Variants in PDSS2 observed in about 807,000 individuals in gnomAD.
PDSS2 encodes all trans-polyprenyl-diphosphate synthase PDSS2.
Under a neutral mutation model 44.5 loss-of-function variants are expected in PDSS2, and 31 were observed. That is an observed-to-expected ratio of 0.70 (90% confidence interval 0.52 to 0.94). The LOEUF (loss-of-function observed/expected upper bound fraction) is 0.94, where lower values mean the gene tolerates loss of function less well. Among genes scored for constraint, PDSS2 ranks in the 40% least tolerant of loss-of-function variants. The probability of loss-of-function intolerance (pLI) is 0.00; values close to 1 mark genes in which losing one functional copy is unlikely to be tolerated. For synonymous variants in PDSS2, 157 were observed against 180.3 expected (o/e 0.87, Z 1.03); for missense variants, 452 against 482.2 (o/e 0.94, Z 0.59).
At chr6:107,320,079 C>A (rs149969004) in intron 2 of PDSS2, among the ~76,000 whole-genome samples, 3 of 152,158 alleles carry the variant, frequency 2.0e-5, no homozygotes, top group Admixed American at 2.0e-4. Context: ...GGAACACAGT[C>A]GTTTGCATGG....
chr6:107,215,212 G>A (rs1773370966), intron 4 of PDSS2, among the ~76,000 whole-genome samples: 1 of 151,916 alleles, frequency 6.6e-6, no homozygotes, highest in Non-Finnish European at 1.5e-5. Flanking sequence ...TCCTATTCTT[G>A]ATGAGAAAAA....
At chr6:107,160,508 C>T (rs1172769746) in intron 7 of PDSS2, among the ~76,000 whole-genome samples, 5 of 143,662 alleles carry the variant, frequency 3.5e-5, no homozygotes, top group Admixed American at 2.1e-4. Flanking sequence ...CCACCACACC[C>T]AGCTAATTTA....
chr6:107,432,359 T>A (rs1444520545), intron 1 of PDSS2, among the ~76,000 whole-genome samples: 2 of 152,240 alleles, frequency 1.3e-5, no homozygotes, highest in Non-Finnish European at 2.9e-5. Flanking sequence ...ATTTTTCATT[T>A]TATTTTTAGT....
chr6:107,162,610 A>ATTTTTTTTTTTTTTTTTTTT (rs71012782), intron 7 of PDSS2, among the ~76,000 whole-genome samples: 4 of 115,552 alleles, frequency 3.5e-5, no homozygotes, highest in African/African-American at 1.0e-4. Context: ...GAATTCCCTA[A>ATTTTTTTTTTTTTTTTTTTT]TTTTTTTTTT....
chr6:107,317,267 T>C (rs557255250), intron 2 of PDSS2, among the ~76,000 whole-genome samples: 8 of 152,090 alleles, frequency 5.3e-5, no homozygotes, highest in Non-Finnish European at 8.8e-5. Flanking sequence ...AGGGTTTAAA[T>C]GGTTTAGGTA....
chr6:107,210,977 G>C (rs1773182515), intron 5 of PDSS2, among the ~76,000 whole-genome samples: 1 of 145,182 alleles, frequency 6.9e-6, no homozygotes, highest in African/African-American at 2.5e-5. Flanking sequence ...CTCTGGGCGA[G>C]AGCAAAACTC....
chr6:107,376,059 A>G (rs929581830), intron 1 of PDSS2, among the ~76,000 whole-genome samples: 4 of 152,198 alleles, frequency 2.6e-5, no homozygotes, highest in Non-Finnish European at 5.9e-5. Context: ...TCTGTCAAAG[A>G]TCAGATAGTT....
chr6:107,255,556 G>C (rs914865322), intron 3 of PDSS2, among the ~76,000 whole-genome samples: 1 of 148,166 alleles, frequency 6.7e-6, no homozygotes, highest in African/African-American at 2.5e-5. Flanking sequence ...CCGAGATCGT[G>C]CCATTGCACT....
rs574245067 is a variant in PDSS2 at position 107,258,523 on chromosome 6, C to T, written c.631-12904G>A. Among the ~76,000 whole-genome samples, 128 of 152,070 alleles carry T rather than the reference C, an allele frequency of 8.4e-4. 1 individual carries two copies. The highest frequency in any genetic ancestry group is 2.8e-3 in the African/African-American group (116 of 41,516). ...AAGTTGCTAATTTAAAATGTTTCACCGGGCACAGTGGCTCACGCCTGTAAT... is the reference window on the plus strand; with the variant it reads ...AAGTTGCTAATTTAAAATGTTTCACTGGGCACAGTGGCTCACGCCTGTAAT... On this transcript the variant is annotated intron_variant, in intron 3 of 7. Coordinates refer to ENST00000369037, the MANE Select transcript of PDSS2 (RefSeq NM_020381.4).
chr6:107,360,524 C>A (rs1778738222), intron 1 of PDSS2, among the ~76,000 whole-genome samples: 1 of 152,148 alleles, frequency 6.6e-6, no homozygotes, highest in Non-Finnish European at 1.5e-5. Flanking sequence ...GATAGGCTTG[C>A]CATTAGAACC....
At chr6:107,327,324 AG>A (rs1777578842) in intron 2 of PDSS2, among the ~76,000 whole-genome samples, 2 of 152,248 alleles carry the variant, frequency 1.3e-5, no homozygotes, top group South Asian at 4.1e-4. Context: ...ACACAAACTC[AG>A]GAGAGTCTAA....
chr6:107,432,229 TG>T (rs1562535985), intron 1 of PDSS2, among the ~76,000 whole-genome samples: 1 of 152,140 alleles, frequency 6.6e-6, no homozygotes, highest in African/African-American at 2.4e-5. Context: ...CAATATAATT[TG>T]GGGGGAAAGT....
chr6:107,365,286 T>C (rs1046040992), intron 1 of PDSS2, among the ~76,000 whole-genome samples: 2 of 152,154 alleles, frequency 1.3e-5, no homozygotes, highest in African/African-American at 4.8e-5. Flanking sequence ...AGAATTAAAA[T>C]GGGTATTATT....
intron 7 of PDSS2, among the ~76,000 whole-genome samples, chr6:107,178,193 C>T (rs1771859277): frequency 6.6e-6 from 1 of 152,118 alleles, no homozygotes; most frequent in Non-Finnish European, 1.5e-5. Context: ...CACAAGAAAG[C>T]ACCTCAAACG....
At chr6:107,195,040 C>A (rs533471177) in intron 6 of PDSS2, among the ~76,000 whole-genome samples, 2 of 152,048 alleles carry the variant, frequency 1.3e-5, no homozygotes, top group African/African-American at 2.4e-5. Context: ...AATAAAATTT[C>A]TCCTGCCACT....
At position 107,334,094 on chromosome 6, in the gene PDSS2, C is replaced by T. The variant is rs1299317797; in HGVS notation, c.431+104G>A. ...TTTTTAACCTTATATTTTAATCTAT[C>T]TTTGAATCAGAGAATGACAAAGAAT... On this transcript the variant is annotated intron_variant, in intron 2 of 7. Transcript: ENST00000369037. 5.6e-6 allele frequency: 6 copies of T among 1,066,760 alleles called. No individual in the cohort carries two copies. The African/African-American group carries it at 9.4e-5, about 17-fold the overall frequency. The allele number at this position is 1,066,760 out of a possible 1,614,324, so 66.1% of individuals were successfully genotyped here.
intron 1 of PDSS2, among the ~76,000 whole-genome samples, chr6:107,352,775 C>T (rs1299174627): frequency 6.6e-6 from 1 of 152,094 alleles, no homozygotes; most frequent in East Asian, 1.9e-4. Flanking sequence ...TTTTGGTTGC[C>T]ACACCTTGGG....
At chr6:107,199,459 C>T (rs546585863) in intron 6 of PDSS2, among the ~76,000 whole-genome samples, 3 of 152,252 alleles carry the variant, frequency 2.0e-5, no homozygotes, top group South Asian at 4.1e-4. Flanking sequence ...TACCACCATG[C>T]CTGGTTAATT....
intron 7 of PDSS2, among the ~76,000 whole-genome samples, chr6:107,191,048 T>C (rs980153712): frequency 2.0e-5 from 3 of 152,070 alleles, no homozygotes; most frequent in Admixed American, 1.3e-4. Context: ...CCCGCCACCA[T>C]GCCCAGCTAA....
Sources: allele counts gnomAD v4.1 joint callset (sites outside exome capture counted in the v4.1 genomes callset), GRCh38; gene constraint gnomAD v4.1.1; transcripts MANE v1.5; gene names NCBI Gene and HGNC (gene_info 2026-07-23, HGNC 2026-07-21).